Variants in RBM27 observed in about 807,000 individuals in gnomAD.
RBM27 encodes the protein RNA binding motif protein 27.
A neutral mutation model predicts 135.3 loss-of-function variants in RBM27; 22 were observed. That is an observed-to-expected ratio of 0.16 (90% confidence interval 0.12 to 0.23). RBM27 has a LOEUF of 0.23. Ranked by LOEUF, RBM27 falls within the 10% of genes least tolerant of loss-of-function variation. RBM27 has a pLI of 1.00. For missense variants in RBM27, 1,009 were observed against 1,281.0 expected (o/e 0.79, Z 3.24); for synonymous variants, 481 against 442.4 (o/e 1.09, Z -1.10).
At chr5:146,215,058 CTT>C (rs111706587) in intron 1 of RBM27, among the ~76,000 whole-genome samples, 17 of 151,522 alleles carry the variant, frequency 1.1e-4, no homozygotes, top group African/African-American at 4.1e-4. Context: ...GGTTTCTTTT[CTT>C]TTTTTTTGAG....
chr5:146,230,992 T>G, intron 6 of RBM27, 75 bp downstream of exon 6: 1 of 1,445,306 alleles, frequency 6.9e-7, no homozygotes, highest in Non-Finnish European at 9.5e-7. Flanking sequence ...TTGCATATCT[T>G]TTAGTTATAG....
At chr5:146,264,376 T>C (rs1005235211) in intron 14 of RBM27, among the ~76,000 whole-genome samples, 6 of 151,630 alleles carry the variant, frequency 4.0e-5, no homozygotes, top group Non-Finnish European at 8.8e-5. Flanking sequence ...GGAGATGGGG[T>C]TTCTCCATGT....
chr5:146,231,867 A>G (rs1756949046), intron 6 of RBM27, among the ~76,000 whole-genome samples: 1 of 151,962 alleles, frequency 6.6e-6, no homozygotes, highest in South Asian at 2.1e-4. Context: ...CACCTTCCTC[A>G]GCCTCCCAAA....
intron 8 of RBM27, among the ~76,000 whole-genome samples, chr5:146,239,210 G>C (rs1757295332): frequency 6.6e-6 from 1 of 151,996 alleles, no homozygotes; most frequent in Non-Finnish European, 1.5e-5. Flanking sequence ...CTTTGAAGTA[G>C]CCCTTTCTAT....
chr5:146,256,363 T>A (rs1224062925), intron 10 of RBM27, among the ~76,000 whole-genome samples: 10 of 148,084 alleles, frequency 6.8e-5, no homozygotes, highest in Admixed American at 6.8e-5. Flanking sequence ...ATATATATAT[T>A]TTTTGAGACA....
Position 146,229,913 on chromosome 5 carries a change from G to T in RBM27, c.589+3G>T. On this transcript the variant is annotated splice_donor_region_variant and intron_variant, in intron 5 of 20. Coordinates refer to ENST00000265271, the MANE Select transcript of RBM27 (RefSeq NM_018989.2). ...CCGGGATCCAAATAGGAATGTTGGT[G>T]AGTAGATGAGTGTCCCCCTAAAAAC... The T allele has an allele frequency of 6.2e-7, 1 of 1,613,712 alleles. No individual in the cohort carries two copies. Among genetic ancestry groups the T allele is most frequent in the South Asian group, 1.1e-5 (1 of 91,048 alleles).
At chr5:146,234,780 T>A (rs1757087636) in intron 7 of RBM27, among the ~76,000 whole-genome samples, 1 of 152,062 alleles carries the variant, frequency 6.6e-6, no homozygotes. Flanking sequence ...ATATCTGTAA[T>A]CCCAGCACTT....
At chr5:146,249,414 G>A (rs1223995879) in intron 8 of RBM27, among the ~76,000 whole-genome samples, 4 of 152,116 alleles carry the variant, frequency 2.6e-5, no homozygotes, top group Non-Finnish European at 2.9e-5. Context: ...GGCTGGGCAC[G>A]GTGGCTCACG....
At chr5:146,207,658 CTTTT>C (rs1224104910) in intron 1 of RBM27, among the ~76,000 whole-genome samples, 4 of 128,954 alleles carry the variant, frequency 3.1e-5, no homozygotes, top group Admixed American at 7.9e-5. Context: ...GGAGATATTT[CTTTT>C]TTTTTTTTTT....
intron 1 of RBM27, among the ~76,000 whole-genome samples, chr5:146,205,992 C>T (rs370965174): frequency 6.6e-6 from 1 of 152,168 alleles, no homozygotes; most frequent in East Asian, 1.9e-4. Context: ...TGCTCTCCAG[C>T]CTGGGCAACA....
Position 146,287,139 on chromosome 5 carries a change from G to A in RBM27, c.*1109G>A, listed in dbSNP as rs1471767611. ...AGGTGACTGGGGGGTGGGGGGTGGA[G>A]GTGGGAGGGGGTTGAGGGCTGAGTA... On this transcript the variant is annotated 3_prime_UTR_variant, in exon 21 of 21. Transcript: ENST00000265271. 5.3e-5 allele frequency: 8 copies of A among 149,846 alleles called. No individual in the cohort carries two copies. The Middle Eastern group carries it at 0.017, about 321-fold the overall frequency. The allele number at this position is 149,846 out of a possible 1,614,324, so 9.3% of individuals were successfully genotyped here. A position where few individuals can be genotyped will look rare whatever the true frequency, so the allele number is the denominator to read the frequency against.
intron 3 of RBM27, among the ~76,000 whole-genome samples, chr5:146,227,352 C>T (rs898362841): frequency 9.2e-5 from 14 of 152,130 alleles, no homozygotes; most frequent in African/African-American, 3.1e-4. Context: ...AATAATACAT[C>T]CTCTGTATTT....
At chr5:146,257,420 G>A (rs780051606) in intron 10 of RBM27, among the ~76,000 whole-genome samples, 1 of 152,164 alleles carries the variant, frequency 6.6e-6, no homozygotes, top group Non-Finnish European at 1.5e-5. Context: ...CTTTAAACCT[G>A]TGGAAAATCA....
intron 19 of RBM27, among the ~76,000 whole-genome samples, chr5:146,278,511 A>G (rs1759187793): frequency 6.6e-6 from 1 of 152,038 alleles, no homozygotes; most frequent in Non-Finnish European, 1.5e-5. Context: ...CTCTCTATAT[A>G]TATTATTTGT....
intron 13 of RBM27, among the ~76,000 whole-genome samples, chr5:146,262,356 T>C (rs1042889112): frequency 2.6e-5 from 4 of 152,226 alleles, no homozygotes; most frequent in Non-Finnish European, 4.4e-5. Flanking sequence ...AAAAAAGTTA[T>C]ATGTTCCTTC....
At chr5:146,279,176 G>A (rs1279426221) in intron 19 of RBM27, among the ~76,000 whole-genome samples, 1 of 151,954 alleles carries the variant, frequency 6.6e-6, no homozygotes, top group Non-Finnish European at 1.5e-5. Context: ...AGGGCTGGGT[G>A]CGGTGGCTCA....
At chr5:146,234,619 A>G (rs1757082457) in intron 7 of RBM27, among the ~76,000 whole-genome samples, 1 of 152,232 alleles carries the variant, frequency 6.6e-6, no homozygotes, top group African/African-American at 2.4e-5. Flanking sequence ...AGTTGCCAAT[A>G]TAGTAGAAAT....
intron 13 of RBM27, among the ~76,000 whole-genome samples, chr5:146,262,773 C>T (rs1758452566): frequency 6.6e-6 from 1 of 152,182 alleles, no homozygotes; most frequent in Non-Finnish European, 1.5e-5. Flanking sequence ...GATGATTAAA[C>T]ATGTTCTGTT....
chr5:146,270,961 A>G lies in RBM27; in HGVS notation c.2699A>G (p.Lys900Arg), dbSNP rs776124013. The G allele has an allele frequency of 5.1e-5, 82 of 1,608,170 alleles. No homozygotes were observed. Among genetic ancestry groups the G allele is most frequent in the Non-Finnish European group, 6.5e-5 (77 of 1,175,882 alleles). Residue 900 changes from lysine to arginine, a missense_variant, in exon 18 of 21, where the codon AAG (lysine) becomes AGG (arginine). Coordinates refer to ENST00000265271, the MANE Select transcript of RBM27 (RefSeq NM_018989.2). ...SKVKTKTEAQ[K>R]ELLDTELDLH... Reference sequence around the variant, plus strand: ...TTTTCAATTTTTCCAAAGGCCCAGAAGGAGTTATTAGATACTGAACTGGAC... The same window carrying G: ...TTTTCAATTTTTCCAAAGGCCCAGAGGGAGTTATTAGATACTGAACTGGAC...
Sources: gnomAD v4.1 joint callset for allele counts (sites outside exome capture counted in the v4.1 genomes callset) on GRCh38, gnomAD v4.1.1 for gene constraint, MANE v1.5 for transcripts, NCBI Gene and HGNC (gene_info 2026-07-23, HGNC 2026-07-21) for gene names.